The following SETD2 variants were observed in gnomAD, a reference collection of about 807,000 sequenced individuals.
SETD2 encodes the protein SET domain containing 2, histone lysine methyltransferase.
In SETD2, 31 loss-of-function variants were observed where a neutral mutation model predicts 242.1. The ratio of observed to expected loss-of-function variants is 0.13; its 90% CI spans 0.10 to 0.17. The LOEUF (loss-of-function observed/expected upper bound fraction) is 0.17, where lower values mean the gene tolerates loss of function less well. SETD2 is among the 10% of genes least tolerant of loss of function. The pLI, the probability that SETD2 is intolerant of heterozygous loss-of-function variation, is 1.00. For synonymous variants in SETD2, 1,006 were observed against 1,066.5 expected, an observed-to-expected ratio of 0.94 and a Z score of 1.11; for missense variants, 2,481 against 3,046.3, an observed-to-expected ratio of 0.81 and a Z score of 4.37.
At position 47,058,301 on chromosome 3, in the gene SETD2, C is replaced by T. The variant is rs140867115; in HGVS notation, c.6294-811G>A. ...TCTACTACAAATACAATTAGCTGGG[C>T]CTGGTGGTGTGTGCCTGTAATCCCA... is the stretch of plus-strand genomic sequence containing the variant. On this transcript the variant is annotated intron_variant, in intron 14 of 20. Transcript: ENST00000409792. Among the ~76,000 whole-genome samples, 20 of 151,648 alleles carry T rather than the reference C, an allele frequency of 1.3e-4. No individual in the cohort carries two copies. The East Asian group carries it at 3.5e-3, about 26-fold the overall frequency.
chr3:47,063,441 C>T (rs542408804), intron 13 of SETD2, among the ~76,000 whole-genome samples: 21 of 152,212 alleles, frequency 1.4e-4, no homozygotes, highest in African/African-American at 3.4e-4. Flanking sequence ...TACACCACTG[C>T]GCTTCAGCCT....
intron 1 of SETD2, among the ~76,000 whole-genome samples, chr3:47,149,384 T>C (rs998990021): frequency 1.3e-5 from 2 of 150,456 alleles, no homozygotes; most frequent in African/African-American, 4.9e-5. Context: ...ATGAGCAAGC[T>C]AAAGGGGAAA....
chr3:47,096,840 G>C (rs942680991), intron 9 of SETD2, among the ~76,000 whole-genome samples: 1 of 152,140 alleles, frequency 6.6e-6, no homozygotes, highest in East Asian at 1.9e-4. Context: ...ACATTCCAAT[G>C]CATTTGTTCA....
chr3:47,164,125 T>A (rs931429700), upstream of SETD2, among the ~76,000 whole-genome samples: 41 of 151,332 alleles, frequency 2.7e-4, no homozygotes, highest in African/African-American at 9.5e-4. The surrounding 1 kb of genome is among the most constrained non-coding windows in gnomAD (Gnocchi z 5.4). Flanking sequence ...CCTCTCACCC[T>A]CACACCGGGA....
Position 47,038,695 on chromosome 3 carries a change from G to A in SETD2, c.7239-918C>T, listed in dbSNP as rs193012257. 5.3e-5 allele frequency among the ~76,000 whole-genome samples: 8 copies of A among 152,004 alleles called. No individual in the cohort carries two copies. In the South Asian group the frequency reaches 1.0e-3, roughly 20 times the overall value. ...CGACCGACTGCAAAAAGAAGGTTTC[G>A]GCCATGTTAACCCTTTAAATGTTTA... On this transcript the variant is annotated intron_variant, in intron 17 of 20. Transcript: ENST00000409792.
rs994261710 is a variant in SETD2 at position 47,017,922 on chromosome 3, G to A, written c.7432-183C>T. The stretch of plus-strand genomic sequence containing the variant: ...CCAGTAAGATCTGAGAAAAGGATAC[G>A]GGCTCAGCCTGAGAGGGAAAGAGCT... On this transcript the variant is annotated intron_variant, in intron 19 of 20. Coordinates refer to ENST00000409792, the MANE Select transcript of SETD2 (RefSeq NM_014159.7). This position sits in a 1 kb window ranked among gnomAD's most constrained non-coding sequence, Gnocchi z 4.8. 2.0e-5 allele frequency among the ~76,000 whole-genome samples: 3 copies of A among 152,172 alleles called. No individual in the cohort carries two copies. Among genetic ancestry groups the A allele is most frequent in the Admixed American group, 2.0e-4 (3 of 15,278 alleles).
intron 1 of SETD2, among the ~76,000 whole-genome samples, chr3:47,151,442 T>G (rs1301890418): frequency 6.6e-6 from 1 of 152,156 alleles, no homozygotes; most frequent in Non-Finnish European, 1.5e-5. Context: ...ACAAAAAAAT[T>G]GTGCAGCACA....
At chr3:47,054,908 A>G (rs1356904001) in intron 15 of SETD2, among the ~76,000 whole-genome samples, 1 of 152,242 alleles carries the variant, frequency 6.6e-6, no homozygotes, top group African/African-American at 2.4e-5. Flanking sequence ...ATAATAGTAA[A>G]TAATTTGAAA....
At chr3:47,060,247 G>GT (rs779896055) in intron 14 of SETD2, among the ~76,000 whole-genome samples, 3 of 152,200 alleles carry the variant, frequency 2.0e-5, no homozygotes, top group Non-Finnish European at 4.4e-5. Flanking sequence ...GGGCAACAGA[G>GT]TAAGACCCTG....
In SETD2 at chr3:47,113,884, G is replaced by A. The variant is rs1559733995; in HGVS notation, c.4707C>T (p.Asp1569=). The change falls in exon 5 of 21, where the codon GAC becomes GAT. Residue 1569 remains aspartate (D), a synonymous_variant. Coordinates refer to ENST00000409792, the MANE Select transcript of SETD2 (RefSeq NM_014159.7). ...ATTAAAAAAGAACTTACGAAGGAAG[G>A]TCTTTGGCAGCTCTCAAGCCCCAGC... The part of the protein sequence containing the change: ...KKGWGLRAAK[D]LPSNTFVLEY... The A allele has an allele frequency of 3.7e-6, 6 of 1,608,702 alleles. No homozygotes were observed. The highest frequency in any genetic ancestry group is 5.1e-6 in the Non-Finnish European group (6 of 1,178,460).
intron 8 of SETD2, 75 bp downstream of exon 8, chr3:47,101,383 A>G: frequency 1.3e-6 from 1 of 769,876 alleles, no homozygotes. Flanking sequence ...AATTTATATT[A>G]AAGTTTTATA....
chr3:47,095,992 G>C (rs2041990841), intron 9 of SETD2, among the ~76,000 whole-genome samples: 1 of 152,118 alleles, frequency 6.6e-6, no homozygotes, highest in African/African-American at 2.4e-5. Flanking sequence ...CTGGGCTCAA[G>C]CTATCCTCCC....
intron 18 of SETD2, among the ~76,000 whole-genome samples, chr3:47,030,052 G>A (rs1037346222): frequency 1.3e-4 from 19 of 151,996 alleles, no homozygotes; most frequent in Non-Finnish European, 2.4e-4. Context: ...GGGAGGCTAA[G>A]GCAGGAGAAT....
At chr3:47,128,019 T>C (rs920501308) in intron 1 of SETD2, among the ~76,000 whole-genome samples, 7 of 149,524 alleles carry the variant, frequency 4.7e-5, no homozygotes, top group Admixed American at 3.3e-4. Flanking sequence ...ACACACAAAA[T>C]AACATAGAAT....
chr3:47,133,057 G>A (rs1252069651), intron 1 of SETD2, among the ~76,000 whole-genome samples: 1 of 152,112 alleles, frequency 6.6e-6, no homozygotes, highest in Non-Finnish European at 1.5e-5. Flanking sequence ...TAGGAGTAAA[G>A]AGGCATCATG....
At chr3:47,106,493 TAAA>T (rs766455577) in intron 5 of SETD2, among the ~76,000 whole-genome samples, 2,781 of 57,202 alleles carry the variant, frequency 0.049, 240 homozygotes, top group African/African-American at 0.17. Flanking sequence ...ATTTTTGCTC[TAAA>T]AAAAAAAAAA....
intron 1 of SETD2, among the ~76,000 whole-genome samples, chr3:47,146,928 AC>A (rs2043869453): frequency 6.7e-6 from 1 of 149,564 alleles, no homozygotes; most frequent in Admixed American, 6.7e-5. Context: ...ACAGAGTGAG[AC>A]CCTGTCTTCA....
rs1575641410 is a variant in SETD2, at chr3:47,016,441, T to C, written c.*652A>G. On this transcript the variant is annotated 3_prime_UTR_variant, in exon 21 of 21. Coordinates refer to ENST00000409792, the MANE Select transcript of SETD2 (RefSeq NM_014159.7). ...TAGGGAACACACATGCCAAGTTCTT[T>C]AATTGATTTTATTTTTTTACATAAA... 6.5e-5 allele frequency: 15 copies of C among 230,238 alleles called. No individual in the cohort carries two copies. The East Asian group carries it at 9.4e-4, about 14-fold the overall frequency. 14.3% of individuals were successfully genotyped at this position (230,238 alleles called of 1,614,324 possible). A position where few individuals can be genotyped will look rare whatever the true frequency, so the allele number is the denominator to read the frequency against.
intron 12 of SETD2, among the ~76,000 whole-genome samples, chr3:47,079,337 T>C (rs2041232042): frequency 1.3e-5 from 2 of 152,194 alleles, no homozygotes; most frequent in African/African-American, 4.8e-5. Flanking sequence ...TATTCCTTAA[T>C]GATCACTTCT....
Sources: allele counts gnomAD v4.1 joint callset (sites outside exome capture counted in the v4.1 genomes callset), GRCh38; gene constraint gnomAD v4.1.1; non-coding constraint Gnocchi (gnomAD v3.1); transcripts MANE v1.5; gene names NCBI Gene and HGNC (gene_info 2026-07-23, HGNC 2026-07-21).